The following NCKAP1 variants were observed in gnomAD, a reference collection of about 807,000 sequenced individuals.
NCKAP1 encodes the protein NCK associated protein 1.
In NCKAP1, 21 loss-of-function variants were observed where a neutral mutation model predicts 151.2. The observed-to-expected ratio is 0.14, with a 90% confidence interval of 0.10 to 0.20. The LOEUF is 0.20. NCKAP1 is among the 10% of genes least tolerant of loss of function. NCKAP1 has a pLI of 1.00. For missense variants in NCKAP1, 933 were observed against 1,352.1 expected (o/e 0.69, Z 4.86); for synonymous variants, 484 against 451.8 (o/e 1.07, Z -0.90).
intron 18 of NCKAP1, among the ~76,000 whole-genome samples, chr2:182,958,920 T>C (rs1052731478): frequency 5.3e-5 from 8 of 152,214 alleles, no homozygotes; most frequent in African/African-American, 1.9e-4. Flanking sequence ...TTTAGTATAA[T>C]AAAAACTATA....
At chr2:182,932,314 TG>T (rs1696782701) in intron 26 of NCKAP1, among the ~76,000 whole-genome samples, 1 of 152,078 alleles carries the variant, frequency 6.6e-6, no homozygotes, top group African/African-American at 2.4e-5. Context: ...TGATATATGC[TG>T]TAATATGTAT....
In NCKAP1 at chr2:182,930,686, G is replaced by A. The variant is rs529720168; in HGVS notation, c.2953+9C>T. 2 of 1,606,800 alleles carry A rather than the reference G, an allele frequency of 1.2e-6. No homozygotes were observed. The highest frequency in any genetic ancestry group is 1.7e-6 in the Non-Finnish European group (2 of 1,173,656). ...CTAAGAGTATTAAATATTTACTAATGCATTTTACCCGATTTTTGTGAAGAA... is the reference window on the plus strand; with the variant it reads ...CTAAGAGTATTAAATATTTACTAATACATTTTACCCGATTTTTGTGAAGAA... On this transcript the variant is annotated intron_variant, in intron 27 of 30. Transcript: ENST00000361354.
At chr2:183,019,976 GC>G (rs1698764211) in intron 2 of NCKAP1, among the ~76,000 whole-genome samples, 1 of 152,028 alleles carries the variant, frequency 6.6e-6, no homozygotes, top group Non-Finnish European at 1.5e-5. Context: ...TGTCAGCAGT[GC>G]CTTCCTTTGT....
In NCKAP1 at chr2:182,989,133, G is replaced by T. The variant is rs970737255; in HGVS notation, c.844C>A (p.Leu282Ile). 1.2e-5 allele frequency: 20 copies of T among 1,613,624 alleles called. No individual in the cohort carries two copies. The highest frequency in any genetic ancestry group is 1.7e-5 in the Non-Finnish European group (20 of 1,179,624). Residue 282 changes from leucine (L) to isoleucine (I), a missense_variant, in exon 9 of 31, where the codon CTT becomes ATT. Physicochemically the swap from Leu to Ile is conservative, Grantham distance 5 (BLOSUM62 2). This residue lies in a region of NCKAP1 where 607 missense variants were observed against 795.0 expected (regional missense o/e 0.76). Coordinates refer to ENST00000361354, the MANE Select transcript of NCKAP1 (RefSeq NM_013436.5). ...ILNTDATALN[L>I]WKLALQSSSC... The stretch of plus-strand genomic sequence containing the variant: ...CTACTTTGAAGAGCTAGTTTCCAAA[G>T]GTTCAGTGCTGTAGCGTCAGTATTT...
Position 182,917,289 on chromosome 2 carries a change from C to G in NCKAP1, c.*8413G>C, listed in dbSNP as rs1439579219. On this transcript the variant is annotated 3_prime_UTR_variant, in exon 31 of 31. Transcript: ENST00000361354. The stretch of plus-strand genomic sequence containing the variant: ...GGCATCATACTTCAAGTCATATCCA[C>G]GTCCAAAATCCTACCAGGAACCAGT... The G allele has an allele frequency of 6.6e-6, 1 of 152,172 alleles. No individual in the cohort carries two copies. The highest frequency in any genetic ancestry group is 1.5e-5 in the Non-Finnish European group (1 of 68,020). The allele number at this position is 152,172 out of a possible 1,614,324, so 9.4% of individuals were successfully genotyped here.
chr2:182,991,815 A>C (rs1444528831), intron 8 of NCKAP1, among the ~76,000 whole-genome samples: 2 of 152,062 alleles, frequency 1.3e-5, no homozygotes, highest in Non-Finnish European at 2.9e-5. Flanking sequence ...TGGAGATAGG[A>C]AAAAAAATCT....
Position 182,909,992 on chromosome 2 carries a change from A to G in NCKAP1, c.*15710T>C, listed in dbSNP as rs1208390357. 6.6e-6 allele frequency: 1 copy of G among 152,254 alleles called. No homozygotes were observed. The highest frequency in any genetic ancestry group is 1.5e-5 in the Non-Finnish European group (1 of 68,074). 9.4% of individuals were successfully genotyped at this position (152,254 alleles called of 1,614,324 possible). On this transcript the variant is annotated 3_prime_UTR_variant, in exon 31 of 31. Coordinates refer to ENST00000361354, the MANE Select transcript of NCKAP1 (RefSeq NM_013436.5). ...TGGGGTGGGAATTCAGTGAAGGCCA[A>G]AATACAAAAGAAAATGATAGGGTCG...
At chr2:182,927,803 T>C (rs1220076318) in intron 29 of NCKAP1, among the ~76,000 whole-genome samples, 3 of 151,936 alleles carry the variant, frequency 2.0e-5, no homozygotes, top group East Asian at 1.9e-4. Context: ...AAACATCAGC[T>C]TGGGGAAAAA....
chr2:183,024,839 G>T, intron 1 of NCKAP1: 1 of 862,608 alleles, frequency 1.2e-6, no homozygotes, highest in Non-Finnish European at 1.8e-6. Flanking sequence ...CATGTGTGAG[G>T]AAATACACTA....
intron 1 of NCKAP1, among the ~76,000 whole-genome samples, chr2:183,037,569 T>G (rs967394325): frequency 1.3e-5 from 2 of 152,212 alleles, no homozygotes; most frequent in Non-Finnish European, 2.9e-5. Flanking sequence ...TAATCCCTGT[T>G]CACTGCTGCC....
At chr2:182,959,489 C>T (rs1051844255) in intron 18 of NCKAP1, among the ~76,000 whole-genome samples, 2 of 152,202 alleles carry the variant, frequency 1.3e-5, no homozygotes, top group Admixed American at 6.5e-5. Flanking sequence ...ACAAAAACCA[C>T]ATGATTATCT....
At chr2:182,995,991 T>C (rs776069454) in intron 6 of NCKAP1, among the ~76,000 whole-genome samples, 153 bp from the exon 7 acceptor site, 7 of 152,264 alleles carry the variant, frequency 4.6e-5, no homozygotes, top group Non-Finnish European at 1.0e-4. Flanking sequence ...AGTTGGGTTG[T>C]GGCTCCTCTC....
intron 2 of NCKAP1, among the ~76,000 whole-genome samples, chr2:183,018,496 G>A (rs1202039918): frequency 6.6e-6 from 1 of 151,982 alleles, no homozygotes; most frequent in African/African-American, 2.4e-5. Flanking sequence ...AAACCACAGT[G>A]CATGCATGTG....
rs1697589955 is a variant in NCKAP1 at position 182,967,232 on chromosome 2, C to G, written c.1612G>C (p.Asp538His). 1 of 1,609,312 alleles carries G rather than the reference C, an allele frequency of 6.2e-7. No individual in the cohort carries two copies. The highest frequency in any genetic ancestry group is 1.7e-4 in the Middle Eastern group (1 of 6,042). The change falls in exon 16 of 31, where the codon GAT becomes CAT. Residue 538 changes from aspartate to histidine, a missense_variant. Physicochemically the swap from Asp to His is moderately conservative, Grantham distance 81. Coordinates refer to ENST00000361354, the MANE Select transcript of NCKAP1 (RefSeq NM_013436.5). The stretch of plus-strand genomic sequence containing the variant: ...ACAACATACCAAAATATGGAGAGAT[C>G]TGATGTTTCCACCAACATTTCCACC... ...SLVEMLVETS[D>H]LSIFCFYSRA... is the part of the protein sequence containing the mutation.
chr2:182,980,498 A>G (rs1697915191), intron 13 of NCKAP1, among the ~76,000 whole-genome samples: 1 of 152,116 alleles, frequency 6.6e-6, no homozygotes. Flanking sequence ...GTAATTCTAT[A>G]AAGTGAAGCA....
chr2:183,011,190 A>G (rs2138486), intron 2 of NCKAP1, among the ~76,000 whole-genome samples: 7,227 of 152,280 alleles, frequency 0.047, 213 homozygotes, highest in Middle Eastern at 0.13. Flanking sequence ...GCCTAACCGG[A>G]CTCAACAAGT....
chr2:183,007,663 T>TA (rs939970988), intron 2 of NCKAP1, among the ~76,000 whole-genome samples: 113 of 151,446 alleles, frequency 7.5e-4, no homozygotes, highest in Non-Finnish European at 1.3e-3. Context: ...TTGTTCCTCT[T>TA]AAAAAAAAAC....
chr2:183,007,124 C>T (rs1334945954), intron 2 of NCKAP1, among the ~76,000 whole-genome samples: 1 of 152,152 alleles, frequency 6.6e-6, no homozygotes, highest in African/African-American at 2.4e-5. Context: ...CCTCCCGCCT[C>T]GGCCTCCCAA....
At chr2:182,930,446 C>G (rs1419671795) in intron 27 of NCKAP1, among the ~76,000 whole-genome samples, 7 of 151,970 alleles carry the variant, frequency 4.6e-5, no homozygotes, top group Non-Finnish European at 1.0e-4. Context: ...AGGCTCAGAC[C>G]TGGATCCTCT....
Sources: gnomAD v4.1 joint callset for allele counts (sites outside exome capture counted in the v4.1 genomes callset) on GRCh38, gnomAD v4.1.1 for gene constraint, gnomAD v4.1.1 regional missense constraint, MANE v1.5 for transcripts, NCBI Gene and HGNC (gene_info 2026-07-23, HGNC 2026-07-21) for gene names.